Variants in FAM117A observed in about 807,000 individuals in gnomAD.
FAM117A encodes protein FAM117A.
In FAM117A, 21 loss-of-function variants were observed where a neutral mutation model predicts 44.1. The observed-to-expected ratio is 0.48, with a 90% confidence interval of 0.34 to 0.69. FAM117A has a LOEUF of 0.69. Ranked by LOEUF, FAM117A falls within the 30% of genes least tolerant of loss-of-function variation. FAM117A has a pLI of 0.01. For synonymous variants in FAM117A, 220 were observed against 238.3 expected, an observed-to-expected ratio of 0.92 and a Z score of 0.71; for missense variants, 498 against 589.9, an observed-to-expected ratio of 0.84 and a Z score of 1.61.
chr17:49,747,261 C>G (rs2073657773), intron 1 of FAM117A: 1 of 152,088 alleles, frequency 6.6e-6, no homozygotes, highest in South Asian at 2.1e-4. Flanking sequence ...ATATAAATAG[C>G]ACTCAGTTTA....
intron 1 of FAM117A, among the ~76,000 whole-genome samples, chr17:49,779,191 A>G (rs1329675593): frequency 2.6e-5 from 4 of 152,222 alleles, no homozygotes; most frequent in Admixed American, 1.3e-4. Context: ...CAGGCAGGAC[A>G]CTGAAGGCCA....
At chr17:49,758,765 T>A (rs1299473563) in intron 1 of FAM117A, among the ~76,000 whole-genome samples, 1 of 152,020 alleles carries the variant, frequency 6.6e-6, no homozygotes, top group African/African-American at 2.4e-5. Context: ...TCAAACGTGA[T>A]AGTGTCAGTA....
At chr17:49,762,038 A>C (rs559198659) in intron 1 of FAM117A, among the ~76,000 whole-genome samples, 1 of 152,212 alleles carries the variant, frequency 6.6e-6, no homozygotes, top group Admixed American at 6.5e-5. Flanking sequence ...CATTTCTACC[A>C]GTATCCCAGG....
At chr17:49,736,097 T>C (rs1465809441) in intron 1 of FAM117A, among the ~76,000 whole-genome samples, 1 of 152,236 alleles carries the variant, frequency 6.6e-6, no homozygotes, top group East Asian at 1.9e-4. Context: ...TGTGTGTGTG[T>C]ATATATACGC....
upstream of FAM117A, chr17:49,789,032 ATGCTTGCAACTATTCCCGCCCTC>A (rs1055030128): frequency 2.1e-6 from 1 of 473,610 alleles, no homozygotes; most frequent in Admixed American, 4.3e-5. Context: ...GCCTCGGCCT[ATGCTTGCAACTATTCCCGCCCTC>A]TGCTTGCCTG....
intron 2 of FAM117A, 115 bp downstream of exon 2, chr17:49,732,436 A>T: frequency 1.0e-6 from 1 of 978,140 alleles, no homozygotes; most frequent in Non-Finnish European, 1.5e-6. Flanking sequence ...GATAATATGT[A>T]CGACCAAAAC....
intron 5 of FAM117A, chr17:49,717,960 A>G (rs975804828): frequency 2.7e-4 from 100 of 366,592 alleles, no homozygotes; most frequent in Non-Finnish European, 3.3e-4. Flanking sequence ...GTATAATTAC[A>G]TATTCACCTG....
chr17:49,786,537 G>A (rs928201052), intron 1 of FAM117A, among the ~76,000 whole-genome samples: 1 of 151,910 alleles, frequency 6.6e-6, no homozygotes, highest in African/African-American at 2.4e-5. Context: ...AGCACTTTGG[G>A]AGGCTGAGGC....
At position 49,717,624 on chromosome 17, in the gene FAM117A, G is replaced by A. The variant is rs1467776562; in HGVS notation, c.799C>T (p.Leu267Phe). The A allele has an allele frequency of 1.2e-6, 2 of 1,614,024 alleles. No homozygotes were observed. Among genetic ancestry groups the A allele is most frequent in the African/African-American group, 2.7e-5 (2 of 74,906 alleles). The change falls in exon 6 of 8, where the codon CTT (leucine) becomes TTT (phenylalanine). Residue 267 changes from leucine to phenylalanine, a missense_variant. Coordinates refer to ENST00000240364, the MANE Select transcript of FAM117A (RefSeq NM_030802.4). ...AAGGACATGGAAGGAGAGCTGGCAA[G>A]GTTGCCAGGCTCCAGGAGGAGGAGG... ...HPLLLLEPGN[L>F]ASSPSMSLAS...
At chr17:49,788,166 G>A (rs1401991247) in intron 1 of FAM117A, among the ~76,000 whole-genome samples, 1 of 152,202 alleles carries the variant, frequency 6.6e-6, no homozygotes. Flanking sequence ...GAAACTTGAT[G>A]GCGGACGCTA....
At position 49,772,666 on chromosome 17, in the gene FAM117A, C is replaced by T. The variant is rs952323792; in HGVS notation, c.-621+15831G>A. On this transcript the variant is annotated intron_variant, in intron 1 of 7. Coordinates refer to the FAM117A transcript ENST00000513602. Reference sequence around the variant, plus strand: ...AGTTGGGAGGCTGAGGCAGGAGAATCGCCTGAACCTGGGAGGGAGAGGCTG... The same window carrying T: ...AGTTGGGAGGCTGAGGCAGGAGAATTGCCTGAACCTGGGAGGGAGAGGCTG... Among the ~76,000 whole-genome samples the T allele has an allele frequency of 5.3e-5, 8 of 151,646 alleles. No individual in the cohort carries two copies. The South Asian group carries it at 1.3e-3, about 24-fold the overall frequency.
At chr17:49,778,662 T>G (rs1397887532) in intron 1 of FAM117A, among the ~76,000 whole-genome samples, 2 of 152,204 alleles carry the variant, frequency 1.3e-5, no homozygotes, top group African/African-American at 4.8e-5. Context: ...CTAACTTCCT[T>G]CATTTACCCA....
Position 49,717,673 on chromosome 17 carries a change from G to A in FAM117A, c.750C>T (p.Pro250=), listed in dbSNP as rs35495960. The part of the protein sequence containing the change: ...IPDGHRAPAP[P]QSGSCDHPLL... ...GGGGATGATCACAGCTGCCACTCTG[G>A]GGAGGAGCTGGGGCCCGGTGCCCAT... The change falls in exon 6 of 8, where the codon CCC becomes CCT. Residue 250 remains proline, a synonymous_variant. Coordinates refer to ENST00000240364, the MANE Select transcript of FAM117A (RefSeq NM_030802.4). 0.026 allele frequency: 42,308 copies of A among 1,613,368 alleles called. 673 individuals are homozygous for A. Among genetic ancestry groups the A allele is most frequent in the Non-Finnish European group, 0.03 (35,089 of 1,179,470 alleles).
At chr17:49,783,799 T>C (rs528130352) in intron 1 of FAM117A, among the ~76,000 whole-genome samples, 24 of 152,326 alleles carry the variant, frequency 1.6e-4, no homozygotes, top group African/African-American at 3.6e-4. Context: ...CTGGCTACAC[T>C]AGCATTGTCT....
chr17:49,779,401 G>A (rs1265506423), intron 1 of FAM117A, among the ~76,000 whole-genome samples: 2 of 152,178 alleles, frequency 1.3e-5, no homozygotes, highest in African/African-American at 4.8e-5. Context: ...TGTCACTGGG[G>A]AGCCCCCAGA....
At chr17:49,765,253 T>A (rs1431345230), upstream of FAM117A, among the ~76,000 whole-genome samples, 1 of 152,240 alleles carries the variant, frequency 6.6e-6, no homozygotes, top group Admixed American at 6.5e-5. Flanking sequence ...AACCCTGGAT[T>A]GTCTGTGATT....
intron 1 of FAM117A, among the ~76,000 whole-genome samples, chr17:49,744,005 T>C (rs1272233363): frequency 6.6e-6 from 1 of 151,906 alleles, no homozygotes; most frequent in Non-Finnish European, 1.5e-5. Flanking sequence ...GAAAAGGAAA[T>C]CAGAACAGGA....
intron 1 of FAM117A, among the ~76,000 whole-genome samples, chr17:49,786,316 G>A (rs1011085861): frequency 1.3e-5 from 2 of 152,210 alleles, no homozygotes; most frequent in Admixed American, 1.3e-4. Context: ...GTATTTGTGT[G>A]ACGGATGCAA....
rs1005826494 is a variant in FAM117A, at chr17:49,773,773, G to A, written c.-621+14724C>T. On this transcript the variant is annotated intron_variant, in intron 1 of 7. Transcript: ENST00000513602. Reference sequence around the variant, plus strand: ...AAGGTAGCTTTTTTTTTTTTCTGGCGACTGAGTTTCATTCTTGTTGCCCAG... The same window carrying A: ...AAGGTAGCTTTTTTTTTTTTCTGGCAACTGAGTTTCATTCTTGTTGCCCAG... 4.7e-5 allele frequency among the ~76,000 whole-genome samples: 7 copies of A among 149,754 alleles called. No homozygotes were observed. The South Asian group carries it at 1.3e-3, about 27-fold the overall frequency.
Sources: gnomAD v4.1 joint callset for allele counts (sites outside exome capture counted in the v4.1 genomes callset) on GRCh38, gnomAD v4.1.1 for gene constraint, MANE v1.5 for transcripts, NCBI Gene and HGNC (gene_info 2026-07-23, HGNC 2026-07-21) for gene names.